Variants in RETREG1 observed in about 807,000 individuals in gnomAD.
RETREG1 encodes reticulophagy regulator 1, also known as family with sequence similarity 134 member B.
Under a neutral mutation model 54.8 loss-of-function variants are expected in RETREG1, and 44 were observed. That is an observed-to-expected ratio of 0.80 (90% CI 0.63 to 1.03). The LOEUF (loss-of-function observed/expected upper bound fraction) is 1.03, where lower values mean the gene tolerates loss of function less well. RETREG1 is among the 50% of genes least tolerant of loss of function. RETREG1 has a pLI of 0.00. For synonymous variants in RETREG1, 217 were observed against 238.5 expected (o/e 0.91, Z 0.83); for missense variants, 554 against 605.1 (o/e 0.92, Z 0.89).
chr5:16,519,983 C>T (rs1311191227), intron 3 of RETREG1, among the ~76,000 whole-genome samples: 1 of 152,212 alleles, frequency 6.6e-6, no homozygotes, highest in East Asian at 1.9e-4. Context: ...GTCCGTGCCA[C>T]CCCTACCGCC....
At chr5:16,476,589 T>C (rs1334849635) in intron 8 of RETREG1, among the ~76,000 whole-genome samples, 4 of 152,172 alleles carry the variant, frequency 2.6e-5, no homozygotes, top group Admixed American at 2.0e-4. Context: ...AACGAGATCA[T>C]GTCCTTTGCA....
chr5:16,489,504 C>A (rs1739167730), intron 3 of RETREG1, among the ~76,000 whole-genome samples: 1 of 152,182 alleles, frequency 6.6e-6, no homozygotes. Context: ...CATGTGCTAG[C>A]AGCCTGTTTC....
rs1742852130 is a variant in RETREG1 at position 16,594,678 on chromosome 5, T to C, written c.320+21974A>G. ...AGGCGGAGACTGCAGTAAGCCAAGA[T>C]TGCACCACTGCACTCCAGCCTGGGC... On this transcript the variant is annotated intron_variant, in intron 1 of 8. Coordinates refer to ENST00000306320, the MANE Select transcript of RETREG1 (RefSeq NM_001034850.3). This position sits in a 1 kb window ranked among gnomAD's most constrained non-coding sequence, Gnocchi z 4.4. Among the ~76,000 whole-genome samples, 2 of 152,052 alleles carry C rather than the reference T, an allele frequency of 1.3e-5. No homozygotes were observed. Among genetic ancestry groups the C allele is most frequent in the Admixed American group, 1.3e-4 (2 of 15,264 alleles).
intron 1 of RETREG1, among the ~76,000 whole-genome samples, chr5:16,576,079 G>A (rs1742309030): frequency 6.6e-6 from 1 of 152,072 alleles, no homozygotes; most frequent in South Asian, 2.1e-4. Context: ...AAAAGTTTTT[G>A]TTTTGGTAAA....
At chr5:16,497,644 G>A (rs1370412944) in intron 3 of RETREG1, among the ~76,000 whole-genome samples, 1 of 152,164 alleles carries the variant, frequency 6.6e-6, no homozygotes, top group Non-Finnish European at 1.5e-5. Flanking sequence ...GTCTTTGAAA[G>A]TTTATCTAAA....
At position 16,518,864 on chromosome 5, in the gene RETREG1, C is replaced by T. The variant is rs539719329; in HGVS notation, c.459-35392G>A. Among the ~76,000 whole-genome samples, 4 of 152,344 alleles carry T rather than the reference C, an allele frequency of 2.6e-5. 1 individual carries two copies. Among genetic ancestry groups the T allele is most frequent in the African/African-American group, 9.6e-5 (4 of 41,576 alleles). On this transcript the variant is annotated intron_variant, in intron 3 of 8. Transcript: ENST00000306320. ...AGTCTAAGAATTTCCCATCTTCACC[C>T]TTCCATAGCCCACAAAGACTTCCAA...
At chr5:16,477,568 G>C (rs1738587646) in intron 8 of RETREG1, 94 bp downstream of exon 8, 12 of 1,089,464 alleles carry the variant, frequency 1.1e-5, no homozygotes, top group Non-Finnish European at 1.6e-5. Context: ...TAGATATGGT[G>C]GTAACATGTT....
At chr5:16,591,904 G>C (rs1742784993) in intron 1 of RETREG1, among the ~76,000 whole-genome samples, 2 of 152,208 alleles carry the variant, frequency 1.3e-5, no homozygotes, top group Admixed American at 1.3e-4. Context: ...CTCTCCAAAG[G>C]AGTGCCACAG....
chr5:16,590,340 T>C (rs1742730483), intron 1 of RETREG1, among the ~76,000 whole-genome samples: 1 of 152,184 alleles, frequency 6.6e-6, no homozygotes, highest in Non-Finnish European at 1.5e-5. Flanking sequence ...GCTACGCACC[T>C]GTACGGCCAG....
At chr5:16,513,016 T>G (rs1462347074) in intron 3 of RETREG1, among the ~76,000 whole-genome samples, 1 of 152,168 alleles carries the variant, frequency 6.6e-6, no homozygotes, top group Admixed American at 6.5e-5. Context: ...TCTCTTGGAT[T>G]CTGAGCTCTG....
At chr5:16,530,414 G>T (rs1020088470) in intron 3 of RETREG1, among the ~76,000 whole-genome samples, 1 of 152,184 alleles carries the variant, frequency 6.6e-6, no homozygotes, top group African/African-American at 2.4e-5. Flanking sequence ...ATCAGTAAAA[G>T]TGAGATAATA....
At chr5:16,518,014 T>C (rs1029731140) in intron 3 of RETREG1, among the ~76,000 whole-genome samples, 2 of 150,996 alleles carry the variant, frequency 1.3e-5, no homozygotes, top group Non-Finnish European at 2.9e-5. Context: ...AGAGAAAGAA[T>C]AGAAATCAAA....
At chr5:16,490,885 A>T (rs1169195936) in intron 3 of RETREG1, among the ~76,000 whole-genome samples, 1 of 152,194 alleles carries the variant, frequency 6.6e-6, no homozygotes, top group Non-Finnish European at 1.5e-5. Context: ...CACAAATAGA[A>T]ATCAAAATAG....
intron 1 of RETREG1, among the ~76,000 whole-genome samples, chr5:16,607,420 C>T (rs762704318): frequency 2.0e-5 from 3 of 152,028 alleles, no homozygotes; most frequent in Non-Finnish European, 2.9e-5. Context: ...TCAAGATTAT[C>T]CCGGCCAACA....
chr5:16,536,110 C>A (rs1339587152), intron 3 of RETREG1, among the ~76,000 whole-genome samples: 1 of 152,212 alleles, frequency 6.6e-6, no homozygotes, highest in African/African-American at 2.4e-5. Context: ...ACAGAGAAAG[C>A]AAGAGTCTGA....
At chr5:16,607,422 C>T (rs980728489) in intron 1 of RETREG1, among the ~76,000 whole-genome samples, 7 of 151,910 alleles carry the variant, frequency 4.6e-5, no homozygotes, top group Admixed American at 1.3e-4. Flanking sequence ...AAGATTATCC[C>T]GGCCAACATG....
chr5:16,596,139 T>C (rs768547949), intron 1 of RETREG1, among the ~76,000 whole-genome samples: 1 of 152,216 alleles, frequency 6.6e-6, no homozygotes, highest in Admixed American at 6.5e-5. Context: ...AGATTTCCTC[T>C]CCTTTCATTT....
intron 3 of RETREG1, among the ~76,000 whole-genome samples, chr5:16,525,299 T>A (rs552288656): frequency 1.4e-5 from 1 of 72,408 alleles, no homozygotes; most frequent in South Asian, 6.8e-4. Context: ...CTGTGCTGAT[T>A]TGCGTCCTCC....
At chr5:16,477,577 T>A (rs1374507051) in intron 8 of RETREG1, 85 bp downstream of exon 8, 1 of 1,276,646 alleles carries the variant, frequency 7.8e-7, no homozygotes, top group African/African-American at 1.5e-5. Flanking sequence ...TGGTAACATG[T>A]TATTTACCCA....
Sources: allele counts gnomAD v4.1 joint callset (sites outside exome capture counted in the v4.1 genomes callset), GRCh38; gene constraint gnomAD v4.1.1; non-coding constraint Gnocchi (gnomAD v3.1); transcripts MANE v1.5; gene names NCBI Gene and HGNC (gene_info 2026-07-23, HGNC 2026-07-21).